Variants in PPCDC observed in about 807,000 individuals in gnomAD.
The protein encoded by PPCDC is phosphopantothenoylcysteine decarboxylase.
Under a neutral mutation model 20.7 loss-of-function variants are expected in PPCDC, and 20 were observed. That is an observed-to-expected ratio of 0.97 (90% CI 0.68 to 1.41). The LOEUF (loss-of-function observed/expected upper bound fraction) is 1.41. Among genes scored for constraint, PPCDC ranks in the 40% most tolerant of loss-of-function variants. The pLI, the probability that PPCDC is intolerant of heterozygous loss-of-function variation, is 0.00. For synonymous variants in PPCDC, 88 were observed against 100.3 expected, an observed-to-expected ratio of 0.88 and a Z score of 0.73; for missense variants, 246 against 263.8, an observed-to-expected ratio of 0.93 and a Z score of 0.47.
intron 4 of PPCDC, among the ~76,000 whole-genome samples, chr15:75,047,023 A>G (rs1355189858): frequency 1.3e-5 from 2 of 152,256 alleles, no homozygotes; most frequent in Non-Finnish European, 1.5e-5. Context: ...CACTGGCCAA[A>G]GAGATGTCAC....
At chr15:75,037,932 G>A (rs537540158) in intron 2 of PPCDC, among the ~76,000 whole-genome samples, 94 of 152,214 alleles carry the variant, frequency 6.2e-4, no homozygotes, top group Middle Eastern at 6.8e-3. Context: ...TGTGGGAAAC[G>A]TCAAAGGGGC....
In PPCDC at chr15:75,043,370, G is replaced by A; in HGVS notation, c.136-71G>A. The stretch of plus-strand genomic sequence containing the variant: ...CACCTGCCTGCCCTGACCCTCCTGT[G>A]GCCTCCAGGCCTGTGGCTCTGGTAA... On this transcript the variant is annotated intron_variant, in intron 2 of 5. Transcript: ENST00000342932. 8 of 1,356,870 alleles carry A rather than the reference G, an allele frequency of 5.9e-6. No homozygotes were observed. The South Asian group carries it at 6.4e-5, about 11-fold the overall frequency. 84.1% of individuals were successfully genotyped at this position (1,356,870 alleles called of 1,614,324 possible).
chr15:75,024,557 G>A (rs141803902), intron 1 of PPCDC, among the ~76,000 whole-genome samples: 317 of 152,126 alleles, frequency 2.1e-3, no homozygotes, highest in African/African-American at 7.3e-3. Context: ...GTCTCACCAT[G>A]TTGCCCAGGC....
chr15:75,024,317 C>A (rs969502620), intron 1 of PPCDC, among the ~76,000 whole-genome samples: 2 of 151,910 alleles, frequency 1.3e-5, no homozygotes, highest in Admixed American at 6.6e-5. Flanking sequence ...GTGTTAGATA[C>A]ATTTATCCCT....
chr15:75,027,922 C>T (rs2065976273), intron 1 of PPCDC, among the ~76,000 whole-genome samples: 1 of 152,190 alleles, frequency 6.6e-6, no homozygotes, highest in African/African-American at 2.4e-5. Flanking sequence ...GTGATTTCTT[C>T]CTGTCTCTGA....
Position 75,028,872 on chromosome 15 carries a change from G to C in PPCDC, c.135+419G>C, listed in dbSNP as rs944185007. On this transcript the variant is annotated intron_variant, in intron 2 of 5. Coordinates refer to ENST00000342932, the MANE Select transcript of PPCDC (RefSeq NM_021823.5). Reference sequence around the variant, plus strand: ...CACTGCGGCTGTGTTCTCCCTCCTCGTGAGACCTCATGGTTGTCTTGTCAG... The same window carrying C: ...CACTGCGGCTGTGTTCTCCCTCCTCCTGAGACCTCATGGTTGTCTTGTCAG... 2.6e-5 allele frequency among the ~76,000 whole-genome samples: 4 copies of C among 152,150 alleles called. No homozygotes were observed. In the East Asian group the frequency reaches 7.7e-4, roughly 29 times the overall value.
At chr15:75,033,280 C>T (rs1008965573) in intron 2 of PPCDC, among the ~76,000 whole-genome samples, 5 of 152,118 alleles carry the variant, frequency 3.3e-5, no homozygotes, top group East Asian at 1.9e-4. Context: ...TAAATCATTA[C>T]GACAAAGCCT....
chr15:75,032,535 CA>C (rs2066033155), intron 2 of PPCDC, among the ~76,000 whole-genome samples: 2 of 152,126 alleles, frequency 1.3e-5, no homozygotes, highest in Non-Finnish European at 2.9e-5. Context: ...TTTATAATTT[CA>C]AAGCAAAACT....
intron 2 of PPCDC, among the ~76,000 whole-genome samples, chr15:75,036,059 TG>T (rs1219398641): frequency 2.0e-5 from 3 of 151,090 alleles, no homozygotes; most frequent in Non-Finnish European, 4.4e-5. Flanking sequence ...CTGTAGCATA[TG>T]GGGGATTCTT....
At chr15:75,048,035 A>G (rs921613479) in intron 4 of PPCDC, among the ~76,000 whole-genome samples, 3 of 152,166 alleles carry the variant, frequency 2.0e-5, no homozygotes, top group Admixed American at 2.0e-4. Context: ...GCAGCTCCCT[A>G]TCTGTGAAAT....
chr15:75,024,293 G>C (rs2065936827), intron 1 of PPCDC, among the ~76,000 whole-genome samples: 2 of 152,166 alleles, frequency 1.3e-5, no homozygotes, highest in African/African-American at 2.4e-5. Flanking sequence ...AGTAGCCCAC[G>C]TGTGTGAGTG....
chr15:75,025,913 C>T (rs926359719), intron 1 of PPCDC, among the ~76,000 whole-genome samples: 5 of 152,194 alleles, frequency 3.3e-5, no homozygotes, highest in African/African-American at 1.2e-4. Context: ...ACTTTCTATT[C>T]TTCAAGTATA....
chr15:75,033,970 C>T (rs1392230599), intron 2 of PPCDC, among the ~76,000 whole-genome samples: 1 of 152,176 alleles, frequency 6.6e-6, no homozygotes, highest in Non-Finnish European at 1.5e-5. Flanking sequence ...GCTGACACAA[C>T]CAGAACACCA....
At chr15:75,040,314 G>A (rs1278761760) in intron 2 of PPCDC, among the ~76,000 whole-genome samples, 1 of 151,934 alleles carries the variant, frequency 6.6e-6, no homozygotes, top group African/African-American at 2.4e-5. Context: ...CTGGCCTCAA[G>A]CAATCTGCCT....
intron 5 of PPCDC, 138 bp from the exon 6 acceptor site, chr15:75,049,012 T>C: frequency 1.2e-6 from 1 of 858,902 alleles, no homozygotes. Flanking sequence ...AGAGATCTGA[T>C]GTGTCTGGCT....
chr15:75,039,492 T>C (rs972721396), intron 2 of PPCDC, among the ~76,000 whole-genome samples: 2 of 152,204 alleles, frequency 1.3e-5, no homozygotes, highest in Non-Finnish European at 2.9e-5. Flanking sequence ...GGGGGGACTT[T>C]AGCTGTTCCT....
chr15:75,044,410 G>A lies in PPCDC; in HGVS notation c.256G>A (p.Val86Ile), dbSNP rs1402762960. ...GATATGGAAGAGCCGCTCTGACCCA[G>A]TTCTGCACATTGACCTGCGGAGGTG... is the stretch of plus-strand genomic sequence containing the variant. ...WEIWKSRSDP[V>I]LHIDLRRWAD... Residue 86 changes from valine (V) to isoleucine (I), a missense_variant, in exon 4 of 6, where the codon GTT becomes ATT. Around this residue, in one of 2 missense-constraint regions of PPCDC, gnomAD observed 225 missense variants for 222.6 expected, o/e 1.01. Transcript: ENST00000342932. The A allele has an allele frequency of 1.2e-6, 2 of 1,613,992 alleles. No homozygotes were observed. Among genetic ancestry groups the A allele is most frequent in the African/African-American group, 1.3e-5 (1 of 74,938 alleles).
chr15:75,036,285 G>A (rs1167477127), intron 2 of PPCDC, among the ~76,000 whole-genome samples: 1 of 152,128 alleles, frequency 6.6e-6, no homozygotes, highest in Non-Finnish European at 1.5e-5. Flanking sequence ...ATGTGTACAG[G>A]GCCCAGCCCT....
intron 4 of PPCDC, among the ~76,000 whole-genome samples, chr15:75,046,553 T>C (rs1452180020): frequency 6.6e-6 from 1 of 152,270 alleles, no homozygotes; most frequent in Admixed American, 6.5e-5. Flanking sequence ...AAGTGAAACA[T>C]GTTCCCAAGA....
Sources: allele counts gnomAD v4.1 joint callset (sites outside exome capture counted in the v4.1 genomes callset), GRCh38; gene constraint gnomAD v4.1.1; regional missense constraint gnomAD v4.1.1; transcripts MANE v1.5; gene names NCBI Gene and HGNC (gene_info 2026-07-23, HGNC 2026-07-21).